The following ECD variants were observed in gnomAD, a reference collection of about 807,000 sequenced individuals.
ECD encodes ecdysoneless cell cycle regulator.
ECD carries 59 observed loss-of-function variants against 77.2 expected under a neutral mutation model. The ratio of observed to expected loss-of-function variants is 0.76; its 90% CI spans 0.62 to 0.95. The LOEUF (loss-of-function observed/expected upper bound fraction) is 0.95. Among genes scored for constraint, ECD ranks in the 40% least tolerant of loss-of-function variants. The pLI is 0.00. For missense variants in ECD, 704 were observed against 763.4 expected (o/e 0.92, Z 0.92); for synonymous variants, 233 against 267.4 (o/e 0.87, Z 1.26).
intron 8 of ECD, 35 bp downstream of exon 8, chr10:73,148,241 T>C: frequency 6.2e-7 from 1 of 1,608,616 alleles, no homozygotes; most frequent in African/African-American, 1.3e-5. Context: ...TTCCCTGGAT[T>C]GAATACTTAA....
intron 9 of ECD, among the ~76,000 whole-genome samples, chr10:73,145,265 G>A (rs554157215): frequency 2.6e-5 from 4 of 152,192 alleles, no homozygotes; most frequent in African/African-American, 7.2e-5. Context: ...TTGGGAGGCT[G>A]AGGCAGAAGA....
chr10:73,164,631 C>T (rs1052311469), intron 1 of ECD, among the ~76,000 whole-genome samples: 4 of 151,826 alleles, frequency 2.6e-5, no homozygotes, highest in African/African-American at 7.3e-5. Flanking sequence ...CCATGCCCAG[C>T]TAACTTTTTT....
At position 73,134,735 on chromosome 10, in the gene ECD, C is replaced by A; in HGVS notation, c.1783G>T (p.Asp595Tyr). 6.2e-7 allele frequency: 1 copy of A among 1,614,152 alleles called. No homozygotes were observed. Among genetic ancestry groups the A allele is most frequent in the Non-Finnish European group, 8.5e-7 (1 of 1,180,022 alleles). ...TTTGAAACCAGGTTCAGGTCTACAT[C>A]TACTGGTGCCATAACAGATTCTCCC... ...GTGESVMAPV[D>Y]VDLNLVSNIL... Residue 595 changes from aspartate (D) to tyrosine (Y), a missense_variant, in exon 14 of 14, where the codon GAT (aspartate) becomes TAT (tyrosine). Physicochemically the swap from Asp to Tyr is radical, Grantham distance 160 (BLOSUM62 -3). Transcript: ENST00000372979.
chr10:73,148,457 T>TATAA, intron 7 of ECD, 53 bp from the exon 8 acceptor site: 1 of 1,583,970 alleles, frequency 6.3e-7, no homozygotes, highest in Non-Finnish European at 8.6e-7. Context: ...TCCCGTATCT[T>TATAA]ATTATAACAC....
chr10:73,149,683 A>G (rs1391404132), intron 7 of ECD, among the ~76,000 whole-genome samples: 2 of 152,196 alleles, frequency 1.3e-5, no homozygotes, highest in Non-Finnish European at 2.9e-5. Context: ...TGTATTAAAT[A>G]TATTTTTGAC....
intron 9 of ECD, among the ~76,000 whole-genome samples, chr10:73,145,132 G>A (rs901184465): frequency 6.6e-6 from 1 of 152,276 alleles, no homozygotes. Flanking sequence ...GGGAGGCCAA[G>A]GTGGGTGGAT....
At chr10:73,166,875 G>T (rs1030045690) in intron 1 of ECD, among the ~76,000 whole-genome samples, 5 of 152,144 alleles carry the variant, frequency 3.3e-5, no homozygotes, top group African/African-American at 7.2e-5. Context: ...TATTACTCAG[G>T]AAATCTTTGC....
intron 9 of ECD, among the ~76,000 whole-genome samples, chr10:73,141,177 T>C (rs7076327): frequency 0.16 from 23,827 of 151,108 alleles, 3,126 homozygotes; most frequent in African/African-American, 0.34. Flanking sequence ...GAGCCAGGAT[T>C]GTGCCATTGC....
In ECD at chr10:73,163,687, A is replaced by G. The variant is rs766405189; in HGVS notation, c.205+46T>C. 22 of 1,580,978 alleles carry G rather than the reference A, an allele frequency of 1.4e-5. No homozygotes were observed. In the South Asian group the frequency reaches 2.2e-4, roughly 16 times the overall value. ...ACTATTACACATCACTGTTGTCAGG[A>G]TAACATTAAAAGTCACACTAATCCA... On this transcript the variant is annotated intron_variant, in intron 2 of 13. Coordinates refer to ENST00000372979, the MANE Select transcript of ECD (RefSeq NM_007265.3).
intron 11 of ECD, among the ~76,000 whole-genome samples, 164 bp downstream of exon 11, chr10:73,139,145 C>G (rs891386087): frequency 6.6e-5 from 10 of 150,484 alleles, no homozygotes; most frequent in Admixed American, 1.3e-4. Flanking sequence ...TTCTAGAAAT[C>G]TGACTTCAAA....
intron 11 of ECD, 73 bp from the exon 12 acceptor site, chr10:73,138,143 C>T: frequency 9.1e-7 from 1 of 1,104,076 alleles, no homozygotes; most frequent in East Asian, 3.2e-5. Flanking sequence ...AAAGTGGTGC[C>T]ATTCTTAGGA....
At chr10:73,160,897 T>C (rs1469946481) in intron 2 of ECD, among the ~76,000 whole-genome samples, 1 of 152,222 alleles carries the variant, frequency 6.6e-6, no homozygotes, top group Non-Finnish European at 1.5e-5. Flanking sequence ...AGGCATGATG[T>C]ATAGAGTATG....
At chr10:73,160,669 C>T in intron 2 of ECD, 118 bp from the exon 3 acceptor site, 1 of 671,274 alleles carries the variant, frequency 1.5e-6, no homozygotes, top group Non-Finnish European at 2.4e-6. Flanking sequence ...TACTGGGGAG[C>T]AGGGGTTGCA....
chr10:73,156,706 G>T, intron 3 of ECD, 51 bp from the exon 4 acceptor site: 1 of 1,496,524 alleles, frequency 6.7e-7, no homozygotes, highest in Non-Finnish European at 9.3e-7. Flanking sequence ...ATATCTGCTA[G>T]TAACCAAAAC....
rs200561293 is a variant in ECD at position 73,136,747 on chromosome 10, G to A, written c.1661C>T (p.Ala554Val). ...GAAACTTTTGCTGATGCAGGTGTGT[G>A]CTAGTTCCTGGTCCATCTGGGCCAT... is the stretch of plus-strand genomic sequence containing the variant. Reference protein sequence around the residue: ...SYMAQMDQELAHTCISKSFTT... With the variant: ...SYMAQMDQELVHTCISKSFTT... The change falls in exon 13 of 14, where the codon GCA becomes GTA. Residue 554 changes from alanine to valine, a missense_variant. Around this residue, in one of 3 missense-constraint regions of ECD, gnomAD observed 142 missense variants for 163.6 expected, o/e 0.87. Coordinates refer to ENST00000372979, the MANE Select transcript of ECD (RefSeq NM_007265.3). 1 of 1,614,018 alleles carries A rather than the reference G, an allele frequency of 6.2e-7. No homozygotes were observed. The highest frequency in any genetic ancestry group is 1.3e-5 in the African/African-American group (1 of 75,020).
At chr10:73,139,255 A>T in intron 11 of ECD, 54 bp downstream of exon 11, 1 of 1,503,364 alleles carries the variant, frequency 6.7e-7, no homozygotes, top group East Asian at 2.3e-5. Context: ...AATGACTATG[A>T]CTTCAACATT....
chr10:73,153,854 G>A (rs1319039485), intron 6 of ECD, among the ~76,000 whole-genome samples: 1 of 151,534 alleles, frequency 6.6e-6, no homozygotes, highest in Non-Finnish European at 1.5e-5. Context: ...CTGGGTGCAA[G>A]AAAAGAAAAA....
intron 1 of ECD, among the ~76,000 whole-genome samples, chr10:73,166,698 T>A (rs1428273627): frequency 2.0e-5 from 3 of 152,246 alleles, no homozygotes; most frequent in Non-Finnish European, 2.9e-5. Context: ...ACTCCTTATA[T>A]ATTTTGGTTA....
chr10:73,154,480 A>G, intron 5 of ECD, 32 bp from the exon 6 acceptor site: 1 of 1,564,582 alleles, frequency 6.4e-7, no homozygotes, highest in Non-Finnish European at 8.6e-7. Context: ...CTTTCATTTT[A>G]CAGTATATAA....
Sources: gnomAD v4.1 joint callset for allele counts (sites outside exome capture counted in the v4.1 genomes callset) on GRCh38, gnomAD v4.1.1 for gene constraint, gnomAD v4.1.1 regional missense constraint, MANE v1.5 for transcripts, NCBI Gene and HGNC (gene_info 2026-07-23, HGNC 2026-07-21) for gene names.